The following PHACTR1 variants were observed in gnomAD, a reference collection of about 807,000 sequenced individuals.
PHACTR1 encodes RPEL repeat containing 1.
Under a neutral mutation model 69.2 loss-of-function variants are expected in PHACTR1, and 16 were observed. The ratio of observed to expected loss-of-function variants is 0.23; its 90% CI spans 0.16 to 0.35. The LOEUF (loss-of-function observed/expected upper bound fraction) is 0.35, where lower values mean the gene tolerates loss of function less well. PHACTR1 is among the 10% of genes least tolerant of loss of function. The pLI is 1.00. For missense variants in PHACTR1, 510 were observed against 734.7 expected, an observed-to-expected ratio of 0.69 and a Z score of 3.54; for synonymous variants, 312 against 284.5, an observed-to-expected ratio of 1.10 and a Z score of -0.97.
intron 5 of PHACTR1, among the ~76,000 whole-genome samples, chr6:13,146,270 A>C (rs1282938856): frequency 6.6e-6 from 1 of 152,224 alleles, no homozygotes; most frequent in Non-Finnish European, 1.5e-5. Context: ...TAATGGGGAG[A>C]AATCAAGTCT....
At chr6:12,791,568 G>A (rs1411496895) in intron 4 of PHACTR1, among the ~76,000 whole-genome samples, 1 of 152,222 alleles carries the variant, frequency 6.6e-6, no homozygotes, top group Non-Finnish European at 1.5e-5. Context: ...CAGAAATGAT[G>A]CGTGGTGAAA....
chr6:12,815,054 A>C (rs956823168), intron 4 of PHACTR1, among the ~76,000 whole-genome samples: 6 of 152,240 alleles, frequency 3.9e-5, no homozygotes, highest in South Asian at 4.1e-4. Context: ...CAGACAATTA[A>C]AAATCATGCT....
chr6:13,258,595 A>G (rs1204971809), intron 10 of PHACTR1, among the ~76,000 whole-genome samples: 1 of 152,196 alleles, frequency 6.6e-6, no homozygotes, highest in Non-Finnish European at 1.5e-5. Context: ...TGTTCCCACT[A>G]GTCTCGTGAA....
At chr6:12,972,312 C>T (rs151215571) in intron 4 of PHACTR1, among the ~76,000 whole-genome samples, 1 of 152,312 alleles carries the variant, frequency 6.6e-6, no homozygotes, top group Non-Finnish European at 1.5e-5. Context: ...GGTGAATTCA[C>T]GTGCATAGCA....
At chr6:13,225,253 T>C (rs1409923978) in intron 8 of PHACTR1, among the ~76,000 whole-genome samples, 1 of 152,194 alleles carries the variant, frequency 6.6e-6, no homozygotes, top group Non-Finnish European at 1.5e-5. Flanking sequence ...TTCACCTAGC[T>C]TCATGGAAAA....
At chr6:13,051,569 C>T (rs1805949931) in intron 4 of PHACTR1, among the ~76,000 whole-genome samples, 1 of 152,176 alleles carries the variant, frequency 6.6e-6, no homozygotes, top group South Asian at 2.1e-4. Flanking sequence ...GCCTTCAGCC[C>T]TCTCTATTCC....
At chr6:12,795,837 G>A (rs1190755561) in intron 4 of PHACTR1, among the ~76,000 whole-genome samples, 1 of 151,744 alleles carries the variant, frequency 6.6e-6, no homozygotes, top group African/African-American at 2.4e-5. Flanking sequence ...TTCAGGGGAA[G>A]TCTTGATAGA....
chr6:12,869,100 A>T (rs1178275005), intron 4 of PHACTR1, among the ~76,000 whole-genome samples: 1 of 152,134 alleles, frequency 6.6e-6, no homozygotes, highest in Non-Finnish European at 1.5e-5. Flanking sequence ...CCTAATCTGC[A>T]TGTCCCTCAG....
intron 5 of PHACTR1, among the ~76,000 whole-genome samples, chr6:13,061,247 G>A (rs540496550): frequency 6.6e-6 from 1 of 152,154 alleles, no homozygotes; most frequent in East Asian, 1.9e-4. Context: ...CCTTCAATTT[G>A]TTGTATCTGC....
intron 3 of PHACTR1, among the ~76,000 whole-genome samples, chr6:12,729,435 G>T (rs576512605): frequency 5.3e-5 from 8 of 152,274 alleles, no homozygotes; most frequent in Middle Eastern, 6.8e-3. Flanking sequence ...AATACTCTGG[G>T]CTGTGTGAAG....
At chr6:13,227,189 T>C (rs890165047) in intron 8 of PHACTR1, among the ~76,000 whole-genome samples, 1 of 152,196 alleles carries the variant, frequency 6.6e-6, no homozygotes, top group African/African-American at 2.4e-5. Flanking sequence ...GAGAACTTTC[T>C]CTAGGTCATC....
intron 6 of PHACTR1, among the ~76,000 whole-genome samples, chr6:13,169,694 A>G (rs1760314690): frequency 6.6e-6 from 1 of 152,206 alleles, no homozygotes; most frequent in African/African-American, 2.4e-5. Flanking sequence ...GGAATGAGAA[A>G]AAGATCAGGA....
At chr6:12,882,778 T>A (rs1184877566) in intron 4 of PHACTR1, among the ~76,000 whole-genome samples, 1 of 152,154 alleles carries the variant, frequency 6.6e-6, no homozygotes, top group East Asian at 1.9e-4. Context: ...ACCCTCCTTG[T>A]GAGGTAGTTG....
chr6:12,917,656 G>A (rs1349211353), intron 4 of PHACTR1, among the ~76,000 whole-genome samples: 1 of 152,184 alleles, frequency 6.6e-6, no homozygotes, highest in Non-Finnish European at 1.5e-5. Context: ...TCAGGAGACA[G>A]AGGTAGGAGG....
At chr6:12,844,606 GTGTTCAATAAC>G (rs967369097) in intron 4 of PHACTR1, among the ~76,000 whole-genome samples, 13 of 152,056 alleles carry the variant, frequency 8.5e-5, no homozygotes, top group African/African-American at 3.1e-4. Context: ...TGGTAGGCAA[GTGTTCAATAAC>G]TGTTAGAATT....
At chr6:13,222,951 C>T (rs1476438305) in intron 8 of PHACTR1, among the ~76,000 whole-genome samples, 1 of 152,168 alleles carries the variant, frequency 6.6e-6, no homozygotes, top group Admixed American at 6.5e-5. Context: ...GAGTTTAGGA[C>T]AACCTTTTAT....
At chr6:12,989,020 A>T (rs770205072) in intron 4 of PHACTR1, among the ~76,000 whole-genome samples, 11 of 152,240 alleles carry the variant, frequency 7.2e-5, no homozygotes, top group Non-Finnish European at 1.5e-4. Context: ...CTGTTGCTGC[A>T]ACAAAGATTC....
intron 5 of PHACTR1, among the ~76,000 whole-genome samples, chr6:13,065,515 A>G (rs1350779321): frequency 6.6e-6 from 1 of 152,136 alleles, no homozygotes; most frequent in East Asian, 1.9e-4. Context: ...GAAGCCACGT[A>G]GCTGGGATTT....
At position 13,205,936 on chromosome 6, in the gene PHACTR1, A is replaced by G; in HGVS notation, c.786A>G (p.Thr262=). 3 of 1,614,024 alleles carry G rather than the reference A, an allele frequency of 1.9e-6. No individual in the cohort carries two copies. The highest frequency in any genetic ancestry group is 1.3e-5 in the African/African-American group (1 of 75,042). ...GGPDLSLVSY[T]AQKSGQQGVA... Reference sequence around the variant, plus strand: ...CAGACCTCTCACTGGTGTCCTACACAGCCCAGAAGAGTGGCCAGCAGGGTG... The same window carrying G: ...CAGACCTCTCACTGGTGTCCTACACGGCCCAGAAGAGTGGCCAGCAGGGTG... The change falls in exon 8 of 15, where the codon ACA becomes ACG. Residue 262 remains threonine, a synonymous_variant. Coordinates refer to ENST00000332995, the MANE Select transcript of PHACTR1 (RefSeq NM_030948.6).
Sources: gnomAD v4.1 joint callset for allele counts (sites outside exome capture counted in the v4.1 genomes callset) on GRCh38, gnomAD v4.1.1 for gene constraint, MANE v1.5 for transcripts, NCBI Gene and HGNC (gene_info 2026-07-23, HGNC 2026-07-21) for gene names.